Variants in NKAIN2 observed in about 807,000 individuals in gnomAD.
NKAIN2 encodes sodium/potassium-transporting ATPase subunit beta-1-interacting protein 2.
In NKAIN2, 14 loss-of-function variants were observed where a neutral mutation model predicts 32.6. The ratio of observed to expected loss-of-function variants is 0.43; its 90% confidence interval spans 0.28 to 0.67. The LOEUF (loss-of-function observed/expected upper bound fraction) is 0.67. Among genes scored for constraint, NKAIN2 ranks in the 30% least tolerant of loss-of-function variants. The pLI is 0.17. For synonymous variants in NKAIN2, 80 were observed against 87.2 expected (o/e 0.92, Z 0.46); for missense variants, 198 against 258.3 (o/e 0.77, Z 1.60).
At chr6:123,950,871 G>A (rs1045207334) in intron 1 of NKAIN2, among the ~76,000 whole-genome samples, 1 of 151,512 alleles carries the variant, frequency 6.6e-6, no homozygotes, top group Non-Finnish European at 1.5e-5. Context: ...TTCCTTGAAG[G>A]GTATATTAGA....
chr6:124,040,783 A>G (rs1236543737), intron 1 of NKAIN2, among the ~76,000 whole-genome samples: 1 of 151,920 alleles, frequency 6.6e-6, no homozygotes, highest in Admixed American at 6.6e-5. Context: ...AACATCTTTG[A>G]TCTCAGTCTT....
At chr6:124,403,578 T>G (rs1043382100) in intron 3 of NKAIN2, among the ~76,000 whole-genome samples, 1 of 152,188 alleles carries the variant, frequency 6.6e-6, no homozygotes, top group Non-Finnish European at 1.5e-5. Context: ...TTCTGAGCAA[T>G]TTTTTATTCA....
At chr6:124,113,935 A>C (rs1785496949) in intron 1 of NKAIN2, among the ~76,000 whole-genome samples, 1 of 152,208 alleles carries the variant, frequency 6.6e-6, no homozygotes, top group Non-Finnish European at 1.5e-5. Flanking sequence ...CTGTTCTGCC[A>C]TCTTGCTGAC....
chr6:124,458,367 A>G (rs1286896992), intron 3 of NKAIN2, among the ~76,000 whole-genome samples: 1 of 151,920 alleles, frequency 6.6e-6, no homozygotes, highest in African/African-American at 2.4e-5. Flanking sequence ...TAATTAACAG[A>G]TTGAAAACTA....
intron 1 of NKAIN2, among the ~76,000 whole-genome samples, chr6:124,137,619 C>T (rs1401756569): frequency 2.0e-5 from 3 of 151,930 alleles, no homozygotes; most frequent in Non-Finnish European, 4.4e-5. Flanking sequence ...GCTATATTAC[C>T]AGACTATAGC....
intron 4 of NKAIN2, among the ~76,000 whole-genome samples, chr6:124,694,099 A>C (rs1484511256): frequency 6.6e-6 from 1 of 152,234 alleles, no homozygotes; most frequent in African/African-American, 2.4e-5. Context: ...ATTTGTTTAA[A>C]AGCACGTTTG....
intron 1 of NKAIN2, among the ~76,000 whole-genome samples, chr6:123,971,058 G>GC (rs1426986687): frequency 6.6e-6 from 1 of 151,996 alleles, no homozygotes; most frequent in Non-Finnish European, 1.5e-5. Flanking sequence ...TATGCTGGAA[G>GC]CCTAGGAAAT....
chr6:123,936,920 C>T (rs1191320537), intron 1 of NKAIN2, among the ~76,000 whole-genome samples: 1 of 152,042 alleles, frequency 6.6e-6, no homozygotes, highest in Non-Finnish European at 1.5e-5. Flanking sequence ...CTCTTCAATA[C>T]AAATGGGCAT....
intron 1 of NKAIN2, among the ~76,000 whole-genome samples, chr6:123,921,516 T>C (rs1171005086): frequency 6.6e-6 from 1 of 152,208 alleles, no homozygotes; most frequent in African/African-American, 2.4e-5. Context: ...TTCTTCCATA[T>C]GAAATTCCTT....
At chr6:124,125,862 A>C (rs1786138750) in intron 1 of NKAIN2, among the ~76,000 whole-genome samples, 1 of 152,116 alleles carries the variant, frequency 6.6e-6, no homozygotes, top group African/African-American at 2.4e-5. Context: ...CTCCCCTGAC[A>C]ACACTGCATT....
intron 3 of NKAIN2, among the ~76,000 whole-genome samples, chr6:124,481,496 C>G (rs972916164): frequency 7.2e-5 from 11 of 152,076 alleles, no homozygotes; most frequent in African/African-American, 2.2e-4. Flanking sequence ...AAATGTGATT[C>G]ACTTTAATCT....
chr6:124,821,683 C>A (rs570494168), intron 6 of NKAIN2, among the ~76,000 whole-genome samples: 2 of 152,096 alleles, frequency 1.3e-5, no homozygotes, highest in Non-Finnish European at 2.9e-5. Context: ...AAAATTGTAT[C>A]AGAGATTTCA....
chr6:124,268,089 G>A (rs1421167917), intron 1 of NKAIN2, among the ~76,000 whole-genome samples: 1 of 151,966 alleles, frequency 6.6e-6, no homozygotes, highest in Non-Finnish European at 1.5e-5. Context: ...ATTAAATCAT[G>A]TAATAACAAG....
chr6:124,186,135 AAAAG>A (rs1186984363), intron 1 of NKAIN2, among the ~76,000 whole-genome samples: 4 of 141,928 alleles, frequency 2.8e-5, no homozygotes, highest in Non-Finnish European at 3.0e-5. Context: ...TAAAAAAAAG[AAAAG>A]AAAGGAAGGA....
chr6:124,673,918 G>A (rs1256425089), intron 4 of NKAIN2, among the ~76,000 whole-genome samples: 1 of 151,696 alleles, frequency 6.6e-6, no homozygotes, highest in African/African-American at 2.4e-5. Context: ...GTGGTTGCTT[G>A]TGCTTTTTAT....
chr6:124,659,602 T>C (rs879374530), intron 4 of NKAIN2, among the ~76,000 whole-genome samples: 1 of 152,168 alleles, frequency 6.6e-6, no homozygotes, highest in Non-Finnish European at 1.5e-5. Flanking sequence ...AGGTTTCTTC[T>C]TGTGTGTCAG....
chr6:124,077,149 G>T (rs1783731484), intron 1 of NKAIN2, among the ~76,000 whole-genome samples: 1 of 152,178 alleles, frequency 6.6e-6, no homozygotes, highest in Admixed American at 6.5e-5. Context: ...CTGAGCATCA[G>T]TTACTGTTTT....
intron 4 of NKAIN2, among the ~76,000 whole-genome samples, chr6:124,691,524 C>T (rs760510964): frequency 2.0e-5 from 3 of 152,114 alleles, no homozygotes; most frequent in Admixed American, 6.6e-5. Context: ...TCCATTACCG[C>T]CCCCCGCCCC....
At chr6:124,490,194 T>C (rs1480715375) in intron 3 of NKAIN2, among the ~76,000 whole-genome samples, 2 of 151,898 alleles carry the variant, frequency 1.3e-5, no homozygotes, top group East Asian at 1.9e-4. Flanking sequence ...AGAGTGTTCA[T>C]GAATCAGCCA....
Sources: allele counts gnomAD v4.1 joint callset (sites outside exome capture counted in the v4.1 genomes callset), GRCh38; gene constraint gnomAD v4.1.1; transcripts MANE v1.5; gene names NCBI Gene and HGNC (gene_info 2026-07-23, HGNC 2026-07-21).